The following CDH12 variants were observed in gnomAD, a reference collection of about 807,000 sequenced individuals.
The protein encoded by CDH12 is cadherin 12.
CDH12 carries 41 observed loss-of-function variants against 74.1 expected under a neutral mutation model. The observed-to-expected ratio is 0.55, with a 90% confidence interval of 0.43 to 0.72. The LOEUF is 0.72. CDH12 is among the 30% of genes least tolerant of loss of function. The pLI, the probability that CDH12 is intolerant of heterozygous loss-of-function variation, is 0.00. For synonymous variants in CDH12, 399 were observed against 355.0 expected (o/e 1.12, Z -1.39); for missense variants, 945 against 977.2 (o/e 0.97, Z 0.44).
intron 5 of CDH12, among the ~76,000 whole-genome samples, chr5:22,028,020 G>C (rs1738505987): frequency 6.6e-6 from 1 of 151,890 alleles, no homozygotes; most frequent in Admixed American, 6.6e-5. Context: ...TTGTGTCTTT[G>C]TTCTCGTTGG....
At chr5:22,633,114 C>T (rs1738668697) in intron 1 of CDH12, among the ~76,000 whole-genome samples, 1 of 151,870 alleles carries the variant, frequency 6.6e-6, no homozygotes, top group Non-Finnish European at 1.5e-5. Flanking sequence ...ATGAACCTTT[C>T]AAAATAAAAA....
chr5:22,587,871 T>C (rs1041183229), intron 1 of CDH12, among the ~76,000 whole-genome samples: 4 of 149,276 alleles, frequency 2.7e-5, no homozygotes, highest in Non-Finnish European at 5.9e-5. Flanking sequence ...TATACATATA[T>C]AGCACACATA....
In CDH12 at chr5:21,949,704, G is replaced by A. The variant is rs555652468; in HGVS notation, c.526+25387C>T. ...AACAACAACAACAAAAAAATTAAAAGTTAAAAGATGTAAAATTACAAAAAA... is the reference window on the plus strand; with the variant it reads ...AACAACAACAACAAAAAAATTAAAAATTAAAAGATGTAAAATTACAAAAAA... On this transcript the variant is annotated intron_variant, in intron 6 of 14. Transcript: ENST00000382254. Among the ~76,000 whole-genome samples, 4 of 152,070 alleles carry A rather than the reference G, an allele frequency of 2.6e-5. No homozygotes were observed. The East Asian group carries it at 5.8e-4, about 22-fold the overall frequency.
intron 4 of CDH12, among the ~76,000 whole-genome samples, chr5:22,122,658 G>A (rs1365946008): frequency 6.6e-6 from 1 of 152,222 alleles, no homozygotes; most frequent in Non-Finnish European, 1.5e-5. Context: ...GGATGTTTTT[G>A]TGAGGTATTT....
intron 1 of CDH12, among the ~76,000 whole-genome samples, chr5:22,821,012 A>G (rs1411520711): frequency 4.6e-5 from 7 of 152,208 alleles, no homozygotes; most frequent in Non-Finnish European, 1.0e-4. Context: ...CGAATCCAGC[A>G]GCACATCAAA....
At chr5:22,612,869 T>C in intron 1 of CDH12, among the ~76,000 whole-genome samples, 1 of 152,108 alleles carries the variant, frequency 6.6e-6, no homozygotes, top group South Asian at 2.1e-4. Flanking sequence ...TCCTAAAGAT[T>C]GTATTTAAAG....
At chr5:22,229,168 G>T (rs1752299447) in intron 3 of CDH12, among the ~76,000 whole-genome samples, 1 of 150,266 alleles carries the variant, frequency 6.7e-6, no homozygotes, top group Non-Finnish European at 1.5e-5. Flanking sequence ...TCCACTGTCA[G>T]TGTGAGGAAA....
At chr5:22,625,298 A>T (rs1486000529) in intron 1 of CDH12, among the ~76,000 whole-genome samples, 2 of 152,208 alleles carry the variant, frequency 1.3e-5, no homozygotes, top group African/African-American at 4.8e-5. Flanking sequence ...TAGAACTTAA[A>T]GTATAATAAT....
chr5:22,346,855 T>A (rs1740137980), intron 3 of CDH12, among the ~76,000 whole-genome samples: 1 of 152,090 alleles, frequency 6.6e-6, no homozygotes, highest in African/African-American at 2.4e-5. Context: ...GAAATGTTAC[T>A]CACTACAAAG....
At chr5:21,832,503 G>C (rs894048002) in intron 8 of CDH12, among the ~76,000 whole-genome samples, 1 of 151,638 alleles carries the variant, frequency 6.6e-6, no homozygotes, top group Non-Finnish European at 1.5e-5. Flanking sequence ...CAAAGCACAT[G>C]TATGTGACAT....
At chr5:22,392,022 C>T (rs771809719) in intron 3 of CDH12, among the ~76,000 whole-genome samples, 16 of 152,092 alleles carry the variant, frequency 1.1e-4, no homozygotes, top group Admixed American at 3.3e-4. Flanking sequence ...GAATGTCAGA[C>T]GAGAAAACTT....
intron 6 of CDH12, among the ~76,000 whole-genome samples, chr5:21,899,023 T>C (rs1309218901): frequency 6.6e-6 from 1 of 152,222 alleles, no homozygotes; most frequent in Non-Finnish European, 1.5e-5. Context: ...CTCGCCAATA[T>C]GGTCTTTCCA....
At chr5:21,789,513 C>A (rs535447904) in intron 10 of CDH12, among the ~76,000 whole-genome samples, 119 of 152,120 alleles carry the variant, frequency 7.8e-4, no homozygotes, top group African/African-American at 2.8e-3. Context: ...AAATGAGCGT[C>A]TTTTATTTTT....
chr5:22,663,149 A>T lies in CDH12; in HGVS notation c.-522-157785T>A, dbSNP rs191363710. Reference sequence around the variant, plus strand: ...TATGATAATGAAAAGCTGAAGATAAAACTAAACCAAAAATTGTAGCATATT... The same window carrying T: ...TATGATAATGAAAAGCTGAAGATAATACTAAACCAAAAATTGTAGCATATT... On this transcript the variant is annotated intron_variant, in intron 1 of 14. Transcript: ENST00000382254. Among the ~76,000 whole-genome samples the T allele has an allele frequency of 6.6e-5, 10 of 150,984 alleles. No homozygotes were observed. In the East Asian group the frequency reaches 1.9e-3, roughly 29 times the overall value.
chr5:22,263,597 T>C (rs1753600430), intron 3 of CDH12, among the ~76,000 whole-genome samples: 1 of 152,142 alleles, frequency 6.6e-6, no homozygotes, highest in Admixed American at 6.6e-5. Context: ...TGTATGCATC[T>C]ATGTTTTTAT....
chr5:22,415,991 G>A (rs1020163461), intron 2 of CDH12, among the ~76,000 whole-genome samples: 2 of 149,994 alleles, frequency 1.3e-5, no homozygotes, highest in East Asian at 2.0e-4. Flanking sequence ...ATATAGTTGT[G>A]GAAAAAATGG....
At chr5:22,520,805 A>G (rs1349959089) in intron 1 of CDH12, among the ~76,000 whole-genome samples, 2 of 152,172 alleles carry the variant, frequency 1.3e-5, no homozygotes, top group Admixed American at 6.5e-5. Context: ...TATATATAAC[A>G]TACTGAAATA....
At chr5:22,030,906 G>A (rs373797157) in intron 5 of CDH12, among the ~76,000 whole-genome samples, 7 of 152,270 alleles carry the variant, frequency 4.6e-5, no homozygotes, top group East Asian at 1.9e-4. Context: ...ATGTGATGGC[G>A]ATTACTTACT....
At chr5:22,038,470 A>C (rs967542642) in intron 5 of CDH12, among the ~76,000 whole-genome samples, 2 of 152,144 alleles carry the variant, frequency 1.3e-5, no homozygotes, top group African/African-American at 4.8e-5. Flanking sequence ...CCCAGGCTAA[A>C]GCTGCACAAC....
Sources: gnomAD v4.1 joint callset for allele counts (sites outside exome capture counted in the v4.1 genomes callset) on GRCh38, gnomAD v4.1.1 for gene constraint, MANE v1.5 for transcripts, NCBI Gene and HGNC (gene_info 2026-07-23, HGNC 2026-07-21) for gene names.